The following COL6A6 variants were observed in gnomAD, a reference collection of about 807,000 sequenced individuals.
COL6A6 encodes the protein collagen type VI alpha 6 chain, also known as collagen alpha-6(VI) chain.
A neutral mutation model predicts 208.6 loss-of-function variants in COL6A6; 183 were observed. That is an observed-to-expected ratio of 0.88 (90% CI 0.78 to 0.99). The LOEUF (loss-of-function observed/expected upper bound fraction) is 0.99, where lower values mean the gene tolerates loss of function less well. Among genes scored for constraint, COL6A6 ranks in the 50% least tolerant of loss-of-function variants. The pLI, the probability that COL6A6 is intolerant of heterozygous loss-of-function variation, is 0.00. For missense variants in COL6A6, 2,816 were observed against 2,815.2 expected (o/e 1.00, Z -0.01); for synonymous variants, 973 against 1,011.8 (o/e 0.96, Z 0.73).
Position 130,662,219 on chromosome 3 carries a change from A to C in COL6A6, c.6413A>C (p.Asp2138Ala). 2 of 1,614,008 alleles carry C rather than the reference A, an allele frequency of 1.2e-6. No individual in the cohort carries two copies. The highest frequency in any genetic ancestry group is 1.7e-6 in the Non-Finnish European group (2 of 1,179,886). ...GAGGATCTCGCCAGCCACCCTTTGG[A>C]TCACCACCTGGTCCAGCTTGGCCGA... ...ELEDLASHPL[D>A]HHLVQLGRIH... The change falls in exon 35 of 37, where the codon GAT becomes GCT. Residue 2138 changes from aspartate to alanine, a missense_variant. Transcript: ENST00000358511.
At chr3:130,650,610 C>CAAA (rs3074296) in intron 33 of COL6A6, among the ~76,000 whole-genome samples, 3,422 of 127,888 alleles carry the variant, frequency 0.027, 65 homozygotes, top group African/African-American at 0.054. Flanking sequence ...CCTCTGTCTC[C>CAAA]AAAAAAAAAA....
At chr3:130,519,465 T>C (rs940338713) in intron 1 of COL6A6, among the ~76,000 whole-genome samples, 4 of 152,364 alleles carry the variant, frequency 2.6e-5, no homozygotes, top group Admixed American at 6.5e-5. Flanking sequence ...AGATTAGATT[T>C]TCTATGCTTC....
At chr3:130,648,666 C>G (rs1442074680) in intron 32 of COL6A6, among the ~76,000 whole-genome samples, 1 of 152,114 alleles carries the variant, frequency 6.6e-6, no homozygotes, top group Non-Finnish European at 1.5e-5. Context: ...CTTTTTAACT[C>G]TTATTACATT....
chr3:130,584,051 A>G (rs758263145), intron 10 of COL6A6, among the ~76,000 whole-genome samples: 3 of 152,160 alleles, frequency 2.0e-5, no homozygotes, highest in Non-Finnish European at 4.4e-5. Flanking sequence ...ATTTTTTAGA[A>G]TTGAATACCC....
intron 8 of COL6A6, among the ~76,000 whole-genome samples, chr3:130,574,803 T>C (rs1334917719): frequency 6.6e-6 from 1 of 152,180 alleles, no homozygotes; most frequent in Non-Finnish European, 1.5e-5. Flanking sequence ...GAAAAGGCCA[T>C]TGTTTGCAAT....
At chr3:130,554,759 GT>G (rs1411006993) in intron 1 of COL6A6, among the ~76,000 whole-genome samples, 5 of 152,318 alleles carry the variant, frequency 3.3e-5, no homozygotes, top group African/African-American at 1.2e-4. Flanking sequence ...GATGCAGGGG[GT>G]GGCCATGGGT....
Position 130,652,885 on chromosome 3 carries a change from T to C in COL6A6, c.5733+3323T>C, listed in dbSNP as rs569787613. On this transcript the variant is annotated intron_variant, in intron 33 of 36. Transcript: ENST00000358511. ...AATCTTGATCCATCTGGGAGTTAAGTAGTCCATCATGAAATTTGGTACCTG... is the reference window on the plus strand; with the variant it reads ...AATCTTGATCCATCTGGGAGTTAAGCAGTCCATCATGAAATTTGGTACCTG... 9.2e-5 allele frequency among the ~76,000 whole-genome samples: 14 copies of C among 152,352 alleles called. No homozygotes were observed. In the East Asian group the frequency reaches 2.5e-3, roughly 27 times the overall value.
chr3:130,519,166 CTAAT>C (rs1374001111), intron 1 of COL6A6, among the ~76,000 whole-genome samples: 1 of 152,070 alleles, frequency 6.6e-6, no homozygotes, highest in Non-Finnish European at 1.5e-5. Context: ...TCAAGAGCAT[CTAAT>C]TAAGTCACCA....
intron 11 of COL6A6, among the ~76,000 whole-genome samples, chr3:130,587,492 C>T (rs1358247823): frequency 1.3e-5 from 2 of 152,318 alleles, no homozygotes; most frequent in East Asian, 3.9e-4. Flanking sequence ...GAACTCCTGA[C>T]GTCATCTTAT....
chr3:130,616,005 T>G lies in COL6A6; in HGVS notation c.4815+5294T>G, dbSNP rs570924983. On this transcript the variant is annotated intron_variant, in intron 23 of 36. Coordinates refer to ENST00000358511, the MANE Select transcript of COL6A6 (RefSeq NM_001102608.3). ...CTACCATTTTTCTGACTGGAAAACATGGTTTTTCTTTCTGTGCTTGGTTTT... is the reference window on the plus strand; with the variant it reads ...CTACCATTTTTCTGACTGGAAAACAGGGTTTTTCTTTCTGTGCTTGGTTTT... 1.5e-3 allele frequency among the ~76,000 whole-genome samples: 227 copies of G among 152,288 alleles called. 1 individual carries two copies. The highest frequency in any genetic ancestry group is 5.3e-3 in the African/African-American group (221 of 41,566).
chr3:130,526,498 A>G (rs1225256311), intron 1 of COL6A6, among the ~76,000 whole-genome samples: 1 of 152,170 alleles, frequency 6.6e-6, no homozygotes, highest in Non-Finnish European at 1.5e-5. Flanking sequence ...TAGGTGCACC[A>G]ATCTAATTTA....
At chr3:130,624,147 T>A (rs902178466) in intron 24 of COL6A6, among the ~76,000 whole-genome samples, 10 of 152,178 alleles carry the variant, frequency 6.6e-5, no homozygotes, top group Non-Finnish European at 1.3e-4. Flanking sequence ...CATTAACTAC[T>A]CATACTGGCA....
At chr3:130,544,239 GTAAGATCA>G (rs1195115385) in intron 1 of COL6A6, among the ~76,000 whole-genome samples, 1 of 152,120 alleles carries the variant, frequency 6.6e-6, no homozygotes, top group Non-Finnish European at 1.5e-5. Flanking sequence ...CCACATATAA[GTAAGATCA>G]TAAGATCATG....
chr3:130,588,876 G>T (rs2063604120), intron 11 of COL6A6, among the ~76,000 whole-genome samples: 2 of 128,920 alleles, frequency 1.6e-5, no homozygotes, highest in Non-Finnish European at 3.1e-5. Context: ...TGGAATACCT[G>T]AAATGGTGGA....
Position 130,607,868 on chromosome 3 carries a change from C to A in COL6A6, c.4689+902C>A, listed in dbSNP as rs2064233209. Among the ~76,000 whole-genome samples the A allele has an allele frequency of 2.6e-5, 4 of 152,128 alleles. No homozygotes were observed. The South Asian group carries it at 8.3e-4, about 32-fold the overall frequency. On this transcript the variant is annotated intron_variant, in intron 21 of 36. Transcript: ENST00000358511. ...CTGTTTCTGCTTCTGTAACAAAATA[C>A]CTTAAACTGGTAATTTATAAACAAC...
intron 20 of COL6A6, among the ~76,000 whole-genome samples, 200 bp from the exon 21 acceptor site, chr3:130,606,731 C>T (rs1469802563): frequency 6.6e-6 from 1 of 152,104 alleles, no homozygotes; most frequent in Non-Finnish European, 1.5e-5. Flanking sequence ...TTCAAGGAGA[C>T]AAATATTCAA....
chr3:130,585,012 C>T (rs928004661), intron 10 of COL6A6, among the ~76,000 whole-genome samples: 13 of 152,176 alleles, frequency 8.5e-5, no homozygotes, highest in African/African-American at 2.7e-4. Flanking sequence ...TGATTTCTCT[C>T]TTCATCTACT....
At chr3:130,660,918 C>A (rs971732316) in intron 34 of COL6A6, among the ~76,000 whole-genome samples, 13 of 152,266 alleles carry the variant, frequency 8.5e-5, no homozygotes, top group African/African-American at 3.1e-4. Flanking sequence ...CCTTTAAGAA[C>A]CTTCCATTTC....
intron 12 of COL6A6, among the ~76,000 whole-genome samples, chr3:130,589,678 T>C (rs1474138550): frequency 6.6e-6 from 1 of 152,194 alleles, no homozygotes; most frequent in Non-Finnish European, 1.5e-5. Context: ...ATCACAGATA[T>C]ATAAACAAAA....
Sources: allele counts gnomAD v4.1 joint callset (sites outside exome capture counted in the v4.1 genomes callset), GRCh38; gene constraint gnomAD v4.1.1; transcripts MANE v1.5; gene names NCBI Gene and HGNC (gene_info 2026-07-23, HGNC 2026-07-21).